The following GNAL variants were observed in gnomAD, a reference collection of about 807,000 sequenced individuals.
GNAL encodes guanine nucleotide-binding protein G(olf) subunit alpha.
Under a neutral mutation model 55.1 loss-of-function variants are expected in GNAL, and 18 were observed. The ratio of observed to expected loss-of-function variants is 0.33; its 90% CI spans 0.23 to 0.48. The LOEUF is 0.48. GNAL is among the 20% of genes least tolerant of loss of function. The pLI, the probability that GNAL is intolerant of heterozygous loss-of-function variation, is 0.99. For missense variants in GNAL, 412 were observed against 614.1 expected (o/e 0.67, Z 3.48); for synonymous variants, 253 against 237.0 (o/e 1.07, Z -0.62).
chr18:11,858,620 T>C (rs2036062350), intron 5 of GNAL, among the ~76,000 whole-genome samples: 2 of 152,240 alleles, frequency 1.3e-5, no homozygotes, highest in South Asian at 2.1e-4. Context: ...GGCAGAAGGC[T>C]GGCAGAAATC....
chr18:11,720,212 A>C lies in GNAL; in HGVS notation c.376+30273A>C, dbSNP rs550045691. 2.7e-3 allele frequency among the ~76,000 whole-genome samples: 409 copies of C among 152,348 alleles called. 2 individuals carry two copies. Among genetic ancestry groups the C allele is most frequent in the African/African-American group, 9.3e-3 (386 of 41,574 alleles). On this transcript the variant is annotated intron_variant, in intron 1 of 11. Transcript: ENST00000334049. The stretch of plus-strand genomic sequence containing the variant: ...GAATAGTTTAGGTTTTATAGACTAA[A>C]TGGTAAAATCAAGGATTATTATGTA...
chr18:11,871,936 A>G (rs1476929776), intron 9 of GNAL, among the ~76,000 whole-genome samples: 1 of 152,236 alleles, frequency 6.6e-6, no homozygotes, highest in Non-Finnish European at 1.5e-5. Context: ...TAGTTGCATT[A>G]TACTTACTAG....
chr18:11,806,761 A>G (rs1411461300), intron 4 of GNAL, among the ~76,000 whole-genome samples: 1 of 150,170 alleles, frequency 6.7e-6, no homozygotes, highest in Non-Finnish European at 1.5e-5. Context: ...TTTTATCTTA[A>G]GTTCAGGGAT....
intron 1 of GNAL, among the ~76,000 whole-genome samples, chr18:11,721,303 G>A (rs2032087012): frequency 6.6e-6 from 1 of 152,162 alleles, no homozygotes; most frequent in Non-Finnish European, 1.5e-5. Context: ...AAATAACAAT[G>A]GGATTTTAAA....
chr18:11,855,008 C>T (rs567915462), intron 5 of GNAL, among the ~76,000 whole-genome samples: 1 of 152,146 alleles, frequency 6.6e-6, no homozygotes, highest in South Asian at 2.1e-4. Flanking sequence ...GCTGCCTCCA[C>T]CTCCCAGGTT....
At chr18:11,808,706 T>C (rs2034728121) in intron 4 of GNAL, among the ~76,000 whole-genome samples, 1 of 152,228 alleles carries the variant, frequency 6.6e-6, no homozygotes, top group South Asian at 2.1e-4. Flanking sequence ...CACGAATGTT[T>C]ATAGCAGCAT....
chr18:11,833,099 T>G (rs2035423574), intron 5 of GNAL, among the ~76,000 whole-genome samples: 1 of 151,630 alleles, frequency 6.6e-6, no homozygotes, highest in Non-Finnish European at 1.5e-5. Context: ...TGGCGCGATC[T>G]CCACTCACTG....
At chr18:11,703,772 G>A (rs1314331626) in intron 1 of GNAL, among the ~76,000 whole-genome samples, 2 of 149,326 alleles carry the variant, frequency 1.3e-5, no homozygotes, top group African/African-American at 2.5e-5. Flanking sequence ...TGGAACAGGG[G>A]ATAGGAGGCC....
At chr18:11,859,551 C>T (rs1482827826) in intron 5 of GNAL, among the ~76,000 whole-genome samples, 9 of 152,138 alleles carry the variant, frequency 5.9e-5, no homozygotes, top group Admixed American at 5.9e-4. Context: ...CCCAGAGGGT[C>T]CCTTCCCTTT....
chr18:11,824,271 G>GC (rs1448582974), intron 4 of GNAL, among the ~76,000 whole-genome samples: 3 of 127,830 alleles, frequency 2.3e-5, no homozygotes, highest in East Asian at 4.9e-4. Flanking sequence ...ATGGGGGGGG[G>GC]GTTCAATGAG....
In GNAL at chr18:11,751,683, C is replaced by T; in HGVS notation, c.377-1170C>T. The T allele has an allele frequency of 1.0e-6, 1 of 984,520 alleles. No individual in the cohort carries two copies. The highest frequency in any genetic ancestry group is 1.2e-6 in the Non-Finnish European group (1 of 829,120). 61.0% of individuals were successfully genotyped at this position (984,520 alleles called of 1,614,324 possible). ...CGCGGCGCAGCGGAGGGGCTGCGGG[C>T]CCGGAACCCAGGCCGGTCAGCGTGT... is the stretch of plus-strand genomic sequence containing the variant. On this transcript the variant is annotated intron_variant, in intron 1 of 11. Coordinates refer to ENST00000334049, the MANE Select transcript of GNAL (RefSeq NM_182978.4). This position sits in a 1 kb window ranked among gnomAD's most constrained non-coding sequence, Gnocchi z 4.5.
intron 11 of GNAL, 64 bp downstream of exon 11, chr18:11,876,752 T>G: frequency 1.2e-6 from 1 of 865,092 alleles, no homozygotes. Flanking sequence ...TCTTACAATA[T>G]GCAAATTACT....
At position 11,751,403 on chromosome 18, in the gene GNAL, C is replaced by A; in HGVS notation, c.377-1450C>A. On this transcript the variant is annotated intron_variant, in intron 1 of 11. Coordinates refer to ENST00000334049, the MANE Select transcript of GNAL (RefSeq NM_182978.4). This position sits in a 1 kb window ranked among gnomAD's most constrained non-coding sequence, Gnocchi z 4.5. ...GTTGTTGTGCTGCTTGGGAGCACTGCACAGGAGAAACGGGGGCTGGAGGTA... is the reference window on the plus strand; with the variant it reads ...GTTGTTGTGCTGCTTGGGAGCACTGAACAGGAGAAACGGGGGCTGGAGGTA... 1 of 561,830 alleles carries A rather than the reference C, an allele frequency of 1.8e-6. No individual in the cohort carries two copies. The highest frequency in any genetic ancestry group is 2.3e-6 in the Non-Finnish European group (1 of 442,750). The allele number at this position is 561,830 out of a possible 1,614,324, so 34.8% of individuals were successfully genotyped here.
At chr18:11,700,364 T>C (rs1162885652) in intron 1 of GNAL, among the ~76,000 whole-genome samples, 2 of 152,254 alleles carry the variant, frequency 1.3e-5, no homozygotes, top group African/African-American at 4.8e-5. Context: ...ATTGAAGTGT[T>C]AGCACCTGAC....
chr18:11,694,600 G>C (rs936798784), intron 1 of GNAL, among the ~76,000 whole-genome samples: 1 of 152,238 alleles, frequency 6.6e-6, no homozygotes, highest in African/African-American at 2.4e-5. Flanking sequence ...AACTAGGGCA[G>C]TGTGGTATAG....
chr18:11,747,771 G>A (rs550268305), intron 1 of GNAL, among the ~76,000 whole-genome samples: 85 of 152,116 alleles, frequency 5.6e-4, no homozygotes, highest in African/African-American at 1.7e-3. Context: ...TTCAACAAGA[G>A]TGAGGAAACA....
intron 1 of GNAL, among the ~76,000 whole-genome samples, chr18:11,740,080 T>C (rs1163651945): frequency 5.4e-5 from 8 of 149,068 alleles, no homozygotes; most frequent in Admixed American, 5.3e-4. Context: ...TTTATGTATT[T>C]ATTTATTTAT....
intron 1 of GNAL, among the ~76,000 whole-genome samples, chr18:11,741,238 C>T (rs898616015): frequency 6.6e-6 from 1 of 152,050 alleles, no homozygotes; most frequent in Non-Finnish European, 1.5e-5. Context: ...AGAGTTCATC[C>T]GGGAAAGGGT....
At chr18:11,773,907 G>T (rs1394458007) in intron 4 of GNAL, among the ~76,000 whole-genome samples, 8 of 152,140 alleles carry the variant, frequency 5.3e-5, no homozygotes, top group Admixed American at 4.6e-4. Flanking sequence ...TTTGCAATTG[G>T]TCTCACCTCT....
Sources: allele counts gnomAD v4.1 joint callset (sites outside exome capture counted in the v4.1 genomes callset), GRCh38; gene constraint gnomAD v4.1.1; non-coding constraint Gnocchi (gnomAD v3.1); transcripts MANE v1.5; gene names NCBI Gene and HGNC (gene_info 2026-07-23, HGNC 2026-07-21).